MICU2: variants seen among roughly 807,000 people sequenced by gnomAD.
MICU2 encodes the protein calcium uptake protein 2, mitochondrial.
Under a neutral mutation model 60.4 loss-of-function variants are expected in MICU2, and 64 were observed. The ratio of observed to expected loss-of-function variants is 1.06; its 90% CI spans 0.87 to 1.31. The LOEUF (loss-of-function observed/expected upper bound fraction) is 1.31, where lower values mean the gene tolerates loss of function less well. Ranked by LOEUF, MICU2 falls within the 50% of genes most tolerant of loss-of-function variation. MICU2 has a pLI of 0.00. For synonymous variants in MICU2, 201 were observed against 175.0 expected, an observed-to-expected ratio of 1.15 and a Z score of -1.17; for missense variants, 569 against 531.0, an observed-to-expected ratio of 1.07 and a Z score of -0.70.
At chr13:21,603,538 C>T (rs1888875201) in intron 1 of MICU2, 1 of 233,698 alleles carries the variant, frequency 4.3e-6, no homozygotes, top group Non-Finnish European at 8.3e-6. Flanking sequence ...TAACTGGACG[C>T]AAACCACCTG....
Position 21,539,375 on chromosome 13 carries a change from G to A in MICU2, c.393C>T (p.Asp131=). The A allele has an allele frequency of 6.2e-7, 1 of 1,613,416 alleles. No homozygotes were observed. Among genetic ancestry groups the A allele is most frequent in the South Asian group, 1.1e-5 (1 of 90,942 alleles). The stretch of plus-strand genomic sequence containing the variant: ...GGATCCCTGACAGTGTATCCTCGAT[G>A]TCCTTTGAATACACATATTAAAATT... ...KTSVKKLTKK[D]IEDTLSGIQT... The change falls in exon 4 of 12, where the codon GAC becomes GAT. Residue 131 remains aspartate (D), a splice_region_variant and synonymous_variant. Coordinates refer to ENST00000382374, the MANE Select transcript of MICU2 (RefSeq NM_152726.3).
At chr13:21,570,334 TA>T (rs1888079787) in intron 1 of MICU2, among the ~76,000 whole-genome samples, 1 of 152,208 alleles carries the variant, frequency 6.6e-6, no homozygotes, top group African/African-American at 2.4e-5. Flanking sequence ...ATCACTAATA[TA>T]ATCAATGTGC....
intron 2 of MICU2, among the ~76,000 whole-genome samples, chr13:21,550,624 C>G (rs926085624): frequency 1.3e-5 from 2 of 152,108 alleles, no homozygotes; most frequent in Non-Finnish European, 2.9e-5. Flanking sequence ...CGTTTAAAAG[C>G]TAGATATAGA....
intron 1 of MICU2, among the ~76,000 whole-genome samples, chr13:21,576,652 C>T (rs991658770): frequency 1.3e-5 from 2 of 152,170 alleles, no homozygotes; most frequent in Non-Finnish European, 2.9e-5. Flanking sequence ...GTGACCCACT[C>T]AGACTTCCAT....
intron 2 of MICU2, among the ~76,000 whole-genome samples, chr13:21,544,136 C>T (rs910905910): frequency 3.9e-5 from 6 of 151,976 alleles, no homozygotes; most frequent in Non-Finnish European, 8.8e-5. Context: ...CAGATCTAAC[C>T]CCCTCACCTT....
At chr13:21,601,114 T>C (rs997983954) in intron 1 of MICU2, among the ~76,000 whole-genome samples, 2 of 152,046 alleles carry the variant, frequency 1.3e-5, no homozygotes, top group South Asian at 2.1e-4. Context: ...TCACTATTAT[T>C]ATAGGGCCGC....
chr13:21,564,963 G>A (rs1025033208), intron 2 of MICU2, among the ~76,000 whole-genome samples: 2 of 152,118 alleles, frequency 1.3e-5, no homozygotes, highest in African/African-American at 2.4e-5. Flanking sequence ...TGGCTCCAGT[G>A]GTGGGTTCTT....
rs1225870485 is a variant in MICU2, at chr13:21,592,624, C to G, written c.210+11315G>C. Among the ~76,000 whole-genome samples the G allele has an allele frequency of 4.6e-5, 7 of 152,328 alleles. No homozygotes were observed. In the East Asian group the frequency reaches 1.3e-3, roughly 29 times the overall value. On this transcript the variant is annotated intron_variant, in intron 1 of 11. Transcript: ENST00000382374. ...GCGAAAATCCTCAATAAAACACTGG[C>G]AAACCCAATCAATCCAGCAGCACAT...
chr13:21,601,874 G>A (rs1440488425), intron 1 of MICU2, among the ~76,000 whole-genome samples: 1 of 152,142 alleles, frequency 6.6e-6, no homozygotes, highest in Non-Finnish European at 1.5e-5. Context: ...GGGAGGCCAA[G>A]GCAGGCGGAT....
intron 2 of MICU2, among the ~76,000 whole-genome samples, chr13:21,544,516 GA>G (rs10628955): frequency 2.6e-3 from 203 of 77,358 alleles, no homozygotes; most frequent in African/African-American, 9.8e-3. Flanking sequence ...ATAAACACAT[GA>G]AAAAAAAAAA....
At chr13:21,494,242 T>G (rs1885936213) in intron 11 of MICU2, among the ~76,000 whole-genome samples, 1 of 152,230 alleles carries the variant, frequency 6.6e-6, no homozygotes, top group South Asian at 2.1e-4. Context: ...TTTTCTAAGT[T>G]GTAAATAGCT....
chr13:21,547,192 C>A (rs1203139614), intron 2 of MICU2, among the ~76,000 whole-genome samples: 1 of 152,194 alleles, frequency 6.6e-6, no homozygotes, highest in Non-Finnish European at 1.5e-5. Flanking sequence ...TGAGTTGAGG[C>A]AGCCACAAAG....
At chr13:21,552,432 A>C (rs1289057499) in intron 2 of MICU2, among the ~76,000 whole-genome samples, 3 of 152,146 alleles carry the variant, frequency 2.0e-5, no homozygotes, top group African/African-American at 4.8e-5. Flanking sequence ...TCTTGAGTTT[A>C]ATTAGATCCC....
chr13:21,563,732 G>T (rs1887907151), intron 2 of MICU2, among the ~76,000 whole-genome samples: 1 of 151,618 alleles, frequency 6.6e-6, no homozygotes, highest in Admixed American at 6.6e-5. Flanking sequence ...TTTCAAGTTG[G>T]GAAGTTTCTA....
At chr13:21,509,338 TA>T (rs1886369935) in intron 8 of MICU2, among the ~76,000 whole-genome samples, 1 of 152,222 alleles carries the variant, frequency 6.6e-6, no homozygotes, top group Non-Finnish European at 1.5e-5. Flanking sequence ...AATGTTAGTA[TA>T]AAGCTTTACT....
chr13:21,574,015 G>T (rs577815141), intron 1 of MICU2, among the ~76,000 whole-genome samples: 1 of 152,266 alleles, frequency 6.6e-6, no homozygotes, highest in South Asian at 2.1e-4. Flanking sequence ...AACCTACTCG[G>T]TTGGCAGTGT....
chr13:21,592,051 CAAA>C (rs35580121), intron 1 of MICU2, among the ~76,000 whole-genome samples: 9 of 143,932 alleles, frequency 6.3e-5, no homozygotes, highest in Non-Finnish European at 9.0e-5. Context: ...GAAAATCCTC[CAAA>C]AAAAAAAAAT....
chr13:21,535,862 A>T (rs937273690), intron 4 of MICU2, among the ~76,000 whole-genome samples: 1 of 152,168 alleles, frequency 6.6e-6, no homozygotes, highest in Admixed American at 6.5e-5. Flanking sequence ...CAACAATCCC[A>T]TAAGGAAGGC....
intron 2 of MICU2, among the ~76,000 whole-genome samples, chr13:21,563,299 C>T (rs1887893695): frequency 1.3e-5 from 2 of 151,844 alleles, no homozygotes; most frequent in South Asian, 2.1e-4. Flanking sequence ...ACTAAAAATA[C>T]AAAAAATTAG....
Sources: allele counts gnomAD v4.1 joint callset (sites outside exome capture counted in the v4.1 genomes callset), GRCh38; gene constraint gnomAD v4.1.1; transcripts MANE v1.5; gene names NCBI Gene and HGNC (gene_info 2026-07-23, HGNC 2026-07-21).